The following NSUN6 variants were observed in gnomAD, a reference collection of about 807,000 sequenced individuals.
NSUN6 encodes tRNA (cytosine(72)-C(5))-methyltransferase NSUN6.
Under a neutral mutation model 58.0 loss-of-function variants are expected in NSUN6, and 64 were observed. That is an observed-to-expected ratio of 1.10 (90% CI 0.90 to 1.36). The LOEUF (loss-of-function observed/expected upper bound fraction) is 1.36. Ranked by LOEUF, NSUN6 falls within the 40% of genes most tolerant of loss-of-function variation. The probability of loss-of-function intolerance (pLI) is 0.00; values close to 1 mark genes in which losing one functional copy is unlikely to be tolerated. For synonymous variants in NSUN6, 231 were observed against 193.9 expected (o/e 1.19, Z -1.59); for missense variants, 701 against 550.1 (o/e 1.27, Z -2.74).
chr10:18,570,041 CTCCATTCCATTCTATTTGCAT>C (rs1218461953), intron 8 of NSUN6, among the ~76,000 whole-genome samples: 3 of 147,218 alleles, frequency 2.0e-5, no homozygotes, highest in African/African-American at 7.5e-5. Flanking sequence ...CTATTCCATT[CTCCATTCCATTCTATTTGCAT>C]TCCATTCCAT....
chr10:18,658,460 A>C (rs1210461428), upstream of NSUN6: 1 of 156,124 alleles, frequency 6.4e-6, no homozygotes, highest in African/African-American at 2.4e-5. Context: ...GTTTCGTTTC[A>C]TGCCAGGCTG....
At chr10:18,590,490 G>A (rs985230683) in intron 7 of NSUN6, among the ~76,000 whole-genome samples, 13 of 152,092 alleles carry the variant, frequency 8.5e-5, no homozygotes, top group African/African-American at 2.9e-4. Context: ...TTCTAAACTC[G>A]ACCACATAAC....
At chr10:18,555,754 T>C (rs1272944364) in intron 8 of NSUN6, among the ~76,000 whole-genome samples, 5 of 141,482 alleles carry the variant, frequency 3.5e-5, no homozygotes, top group African/African-American at 5.4e-5. Flanking sequence ...TGGAATAGAA[T>C]GGAGAATGGA....
chr10:18,573,924 T>C (rs1320630267), intron 8 of NSUN6, among the ~76,000 whole-genome samples: 2 of 152,102 alleles, frequency 1.3e-5, no homozygotes, highest in Non-Finnish European at 2.9e-5. Flanking sequence ...CACAGTAAAC[T>C]GTTATATCGA....
At chr10:18,554,635 T>C (rs1387483959) in intron 8 of NSUN6, among the ~76,000 whole-genome samples, 1 of 148,860 alleles carries the variant, frequency 6.7e-6, no homozygotes, top group South Asian at 2.1e-4. Context: ...TGGAATGGAA[T>C]GGAGAATGTA....
At chr10:18,622,769 G>T (rs1402842089) in intron 3 of NSUN6, among the ~76,000 whole-genome samples, 1 of 152,176 alleles carries the variant, frequency 6.6e-6, no homozygotes, top group African/African-American at 2.4e-5. Flanking sequence ...GTCTCATTTG[G>T]ATTTCAAGAG....
Position 18,609,823 on chromosome 10 carries a change from T to C in NSUN6, c.657+22A>G, listed in dbSNP as rs762616092. 4.8e-6 allele frequency: 6 copies of C among 1,248,110 alleles called. No individual in the cohort carries two copies. In the South Asian group the frequency reaches 7.4e-5, roughly 15 times the overall value. 77.3% of individuals were successfully genotyped at this position (1,248,110 alleles called of 1,614,324 possible). ...ATGTATGTTTCAATGTCACTAAATA[T>C]TTTACTTTTATACATACTTACTTGT... On this transcript the variant is annotated intron_variant, in intron 6 of 10. Coordinates refer to ENST00000377304, the MANE Select transcript of NSUN6 (RefSeq NM_182543.5).
intron 8 of NSUN6, among the ~76,000 whole-genome samples, chr10:18,568,357 C>T (rs1447393494): frequency 1.3e-5 from 2 of 149,278 alleles, no homozygotes; most frequent in African/African-American, 4.9e-5. Flanking sequence ...TCTGCATTCT[C>T]GATTCCATTC....
At chr10:18,639,131 T>C (rs1262292539) in intron 3 of NSUN6, among the ~76,000 whole-genome samples, 5 of 151,804 alleles carry the variant, frequency 3.3e-5, no homozygotes, top group Non-Finnish European at 5.9e-5. Flanking sequence ...AAATACAAAT[T>C]AGCTGGTAGG....
intron 6 of NSUN6, among the ~76,000 whole-genome samples, chr10:18,600,178 T>TG (rs1460919344): frequency 2.6e-5 from 4 of 151,862 alleles, no homozygotes; most frequent in Non-Finnish European, 5.9e-5. Context: ...GGTATTGGCT[T>TG]GGGGGGATAA....
intron 8 of NSUN6, among the ~76,000 whole-genome samples, chr10:18,555,855 AGAATG>A (rs1223164181): frequency 6.7e-6 from 1 of 149,584 alleles, no homozygotes; most frequent in Non-Finnish European, 1.5e-5. Flanking sequence ...AATGGAATGG[AGAATG>A]GAATGGAATG....
At chr10:18,619,885 G>T (rs1261882751) in intron 3 of NSUN6, among the ~76,000 whole-genome samples, 7 of 152,010 alleles carry the variant, frequency 4.6e-5, no homozygotes, top group Non-Finnish European at 8.8e-5. Flanking sequence ...GTCTGTGTGT[G>T]TGGTATCACA....
At chr10:18,628,653 C>G (rs961836850) in intron 3 of NSUN6, among the ~76,000 whole-genome samples, 7 of 152,046 alleles carry the variant, frequency 4.6e-5, no homozygotes, top group Non-Finnish European at 7.4e-5. Flanking sequence ...GAAAGGGTAT[C>G]AGCGATGGAA....
At chr10:18,563,651 G>A (rs2055709734) in intron 8 of NSUN6, among the ~76,000 whole-genome samples, 1 of 144,136 alleles carries the variant, frequency 6.9e-6, no homozygotes, top group Non-Finnish European at 1.5e-5. Context: ...TCCATTCCAT[G>A]CTCCATTCGA....
At position 18,616,232 on chromosome 10, in the gene NSUN6, A is replaced by C; in HGVS notation, c.373T>G (p.Leu125Val). Residue 125 changes from leucine to valine, a missense_variant, in exon 4 of 11, where the codon TTA becomes GTA. Leu to Val is a conservative substitution (Grantham distance 32). Coordinates refer to ENST00000377304, the MANE Select transcript of NSUN6 (RefSeq NM_182543.5). ...IVGAQCGNAV[L>V]RGAHVYAPGI... ...GGGGCATAGACATGGGCTCCTCTTAAAACTGCATTGCCACACTGGGCTCCA... is the reference window on the plus strand; with the variant it reads ...GGGGCATAGACATGGGCTCCTCTTACAACTGCATTGCCACACTGGGCTCCA... 6.2e-7 allele frequency: 1 copy of C among 1,610,976 alleles called. No homozygotes were observed. Among genetic ancestry groups the C allele is most frequent in the Non-Finnish European group, 8.5e-7 (1 of 1,177,170 alleles).
intron 8 of NSUN6, among the ~76,000 whole-genome samples, chr10:18,568,231 T>C (rs188642649): frequency 9.6e-4 from 145 of 150,492 alleles, no homozygotes; most frequent in Middle Eastern, 3.5e-3. Flanking sequence ...ATTATCCATT[T>C]CATTCTCTAC....
intron 2 of NSUN6, among the ~76,000 whole-genome samples, chr10:18,643,003 T>C (rs1019459954): frequency 6.6e-6 from 1 of 151,928 alleles, no homozygotes; most frequent in African/African-American, 2.4e-5. Context: ...TGGTAGAGGT[T>C]TGGGATTTTC....
intron 3 of NSUN6, among the ~76,000 whole-genome samples, chr10:18,636,937 G>GT (rs1354682127): frequency 2.3e-5 from 3 of 128,340 alleles, no homozygotes; most frequent in Non-Finnish European, 4.8e-5. Flanking sequence ...AAAATCAGGA[G>GT]TTAAAAAAAA....
At chr10:18,573,778 T>A (rs1014044266) in intron 8 of NSUN6, among the ~76,000 whole-genome samples, 1 of 152,074 alleles carries the variant, frequency 6.6e-6, no homozygotes, top group African/African-American at 2.4e-5. Flanking sequence ...ACTTAGTAGG[T>A]GCAGGCAAGT....
Sources: allele counts gnomAD v4.1 joint callset (sites outside exome capture counted in the v4.1 genomes callset), GRCh38; gene constraint gnomAD v4.1.1; transcripts MANE v1.5; gene names NCBI Gene and HGNC (gene_info 2026-07-23, HGNC 2026-07-21).